The following CACNA2D1 variants were observed in gnomAD, a reference collection of about 807,000 sequenced individuals.
The protein encoded by CACNA2D1 is calcium voltage-gated channel auxiliary subunit alpha2delta 1, also known as voltage-dependent calcium channel subunit alpha-2/delta-1.
In CACNA2D1, 53 loss-of-function variants were observed where a neutral mutation model predicts 171.5. The ratio of observed to expected loss-of-function variants is 0.31; its 90% CI spans 0.25 to 0.39. The LOEUF (loss-of-function observed/expected upper bound fraction) is 0.39, where lower values mean the gene tolerates loss of function less well. CACNA2D1 is among the 10% of genes least tolerant of loss of function. The pLI is 1.00. For synonymous variants in CACNA2D1, 442 were observed against 443.1 expected (o/e 1.00, Z 0.03); for missense variants, 903 against 1,299.8 (o/e 0.69, Z 4.69).
At chr7:82,047,464 G>A (rs1804683842) in intron 10 of CACNA2D1, among the ~76,000 whole-genome samples, 1 of 152,046 alleles carries the variant, frequency 6.6e-6, no homozygotes, top group Admixed American at 6.6e-5. Flanking sequence ...CAATAAGAAT[G>A]GCATACATAA....
intron 3 of CACNA2D1, among the ~76,000 whole-genome samples, chr7:82,252,808 T>A (rs1805818205): frequency 6.6e-6 from 1 of 151,916 alleles, no homozygotes; most frequent in Non-Finnish European, 1.5e-5. Flanking sequence ...GAGAATTGCT[T>A]GAACCCGGGA....
chr7:82,245,889 T>C (rs1319244889), intron 3 of CACNA2D1, among the ~76,000 whole-genome samples: 2 of 152,162 alleles, frequency 1.3e-5, no homozygotes, highest in Non-Finnish European at 2.9e-5. Flanking sequence ...TAGTTTGTAG[T>C]TTATTATAAG....
intron 1 of CACNA2D1, among the ~76,000 whole-genome samples, chr7:82,438,706 T>A (rs547011547): frequency 2.6e-4 from 40 of 152,294 alleles, no homozygotes; most frequent in African/African-American, 9.1e-4. Flanking sequence ...AAAGAAAGAC[T>A]GGTTGACACA....
At chr7:82,116,910 A>T in intron 6 of CACNA2D1, 134 bp downstream of exon 6, 1 of 956,234 alleles carries the variant, frequency 1.0e-6, no homozygotes, top group South Asian at 1.3e-5. Flanking sequence ...CACATAAATC[A>T]GAGTTTACCA....
intron 7 of CACNA2D1, among the ~76,000 whole-genome samples, chr7:82,079,708 A>T (rs1584666262): frequency 6.6e-6 from 1 of 151,666 alleles, no homozygotes; most frequent in Non-Finnish European, 1.5e-5. Context: ...AAAAAAAAAA[A>T]AGTTGACGTC....
At chr7:82,050,752 T>C in intron 10 of CACNA2D1, 1 of 654,758 alleles carries the variant, frequency 1.5e-6, no homozygotes, top group Non-Finnish European at 2.8e-6. Context: ...TAAATAACAA[T>C]AATCATCATC....
At chr7:81,974,608 A>G in intron 24 of CACNA2D1, 56 bp from the exon 25 acceptor site, 1 of 918,512 alleles carries the variant, frequency 1.1e-6, no homozygotes, top group Non-Finnish European at 1.7e-6. Flanking sequence ...TTACAGGGTA[A>G]TTAAAGGTAG....
rs1442685890 is a variant in CACNA2D1, at chr7:82,084,953, G to A, written c.527-53C>T. On this transcript the variant is annotated intron_variant, in intron 6 of 38. Transcript: ENST00000356860. ...TAATTCAAATTTGTAATTAAAAACT[G>A]AATGTCTTCATTTATTTACAAAATA... 14 of 1,333,826 alleles carry A rather than the reference G, an allele frequency of 1.0e-5. No homozygotes were observed. The East Asian group carries it at 3.3e-4, about 31-fold the overall frequency. 82.6% of individuals were successfully genotyped at this position (1,333,826 alleles called of 1,614,324 possible).
intron 16 of CACNA2D1, among the ~76,000 whole-genome samples, chr7:82,007,168 C>T (rs1799201533): frequency 6.6e-6 from 1 of 151,786 alleles, no homozygotes; most frequent in Admixed American, 6.6e-5. Flanking sequence ...TGAAATTATT[C>T]TTCCTGTATC....
chr7:81,955,997 T>A (rs1793282535), intron 38 of CACNA2D1, among the ~76,000 whole-genome samples: 1 of 133,062 alleles, frequency 7.5e-6, no homozygotes, highest in Non-Finnish European at 1.6e-5. Context: ...TTTTTTTTTT[T>A]TTTTTTTGGA....
chr7:82,411,679 AT>A (rs1307797153), intron 1 of CACNA2D1, among the ~76,000 whole-genome samples: 5 of 152,122 alleles, frequency 3.3e-5, no homozygotes, highest in Admixed American at 3.3e-4. Flanking sequence ...TCTTTCTGGT[AT>A]ATGGAGCAGA....
intron 4 of CACNA2D1, among the ~76,000 whole-genome samples, chr7:82,154,752 A>T (rs974827418): frequency 6.6e-6 from 1 of 152,202 alleles, no homozygotes; most frequent in African/African-American, 2.4e-5. Context: ...TTTATAAAAA[A>T]TGAACACTAG....
chr7:82,058,592 T>C (rs1000339913), intron 10 of CACNA2D1, among the ~76,000 whole-genome samples: 1 of 152,188 alleles, frequency 6.6e-6, no homozygotes, highest in Non-Finnish European at 1.5e-5. Context: ...CAGGGTCAGA[T>C]AGATTGTAAA....
chr7:82,354,591 A>G (rs1215492695), intron 1 of CACNA2D1, among the ~76,000 whole-genome samples: 2 of 152,166 alleles, frequency 1.3e-5, no homozygotes, highest in Non-Finnish European at 2.9e-5. Context: ...ATGAAGGAGG[A>G]CCAGTTATCT....
rs192024813 is a variant in CACNA2D1, at chr7:82,270,958, T to A, written c.294+64177A>T. Among the ~76,000 whole-genome samples the A allele has an allele frequency of 5.3e-5, 8 of 152,240 alleles. No homozygotes were observed. The East Asian group carries it at 1.5e-3, about 29-fold the overall frequency. On this transcript the variant is annotated intron_variant, in intron 3 of 38. Transcript: ENST00000356860. ...TATTTAACTACAAACTACTTCTTTA[T>A]CCAAACTCATTCCTGTGCTGCATCA... is the stretch of plus-strand genomic sequence containing the variant.
intron 3 of CACNA2D1, among the ~76,000 whole-genome samples, chr7:82,322,125 CAAAAAAAAAAAAAAA>C (rs71093373): frequency 0.016 from 696 of 43,686 alleles, 8 homozygotes; most frequent in African/African-American, 0.054. Flanking sequence ...GACTCCGTCT[CAAAAAAAAAAAAAAA>C]AAAAAAAAAA....
At chr7:82,301,443 G>C (rs17262683) in intron 3 of CACNA2D1, among the ~76,000 whole-genome samples, 57,059 of 151,888 alleles carry the variant, frequency 0.38, 10,778 homozygotes, top group East Asian at 0.43. Context: ...TATCTTAAGA[G>C]AGTAACCCAA....
At chr7:82,046,204 T>C (rs1456212039) in intron 10 of CACNA2D1, among the ~76,000 whole-genome samples, 4 of 152,198 alleles carry the variant, frequency 2.6e-5, no homozygotes, top group Non-Finnish European at 5.9e-5. Context: ...CCTAAATATA[T>C]TACTAAAAGT....
chr7:81,975,808 A>ACATAGTAGTGTG (rs2067223), intron 24 of CACNA2D1, among the ~76,000 whole-genome samples: 1 of 152,010 alleles, frequency 6.6e-6, no homozygotes, highest in African/African-American at 2.4e-5. Flanking sequence ...TGAATCATGT[A>ACATAGTAGTGTG]TACAACTTTC....
Sources: allele counts gnomAD v4.1 joint callset (sites outside exome capture counted in the v4.1 genomes callset), GRCh38; gene constraint gnomAD v4.1.1; transcripts MANE v1.5; gene names NCBI Gene and HGNC (gene_info 2026-07-23, HGNC 2026-07-21).